CLUL1: variants seen among roughly 807,000 people sequenced by gnomAD.
The protein encoded by CLUL1 is clusterin like 1.
CLUL1 carries 43 observed loss-of-function variants against 49.4 expected under a neutral mutation model. The observed-to-expected ratio is 0.87, with a 90% CI of 0.68 to 1.12. The LOEUF (loss-of-function observed/expected upper bound fraction) is 1.12. Ranked by LOEUF, CLUL1 falls within the 50% of genes most tolerant of loss-of-function variation. CLUL1 has a pLI of 0.00. For missense variants in CLUL1, 486 were observed against 544.4 expected, an observed-to-expected ratio of 0.89 and a Z score of 1.07; for synonymous variants, 192 against 184.9, an observed-to-expected ratio of 1.04 and a Z score of -0.31.
intron 1 of CLUL1, among the ~76,000 whole-genome samples, chr18:603,727 T>C (rs1412350952): frequency 1.3e-5 from 2 of 152,202 alleles, no homozygotes; most frequent in African/African-American, 4.8e-5. Flanking sequence ...AATCAAGATA[T>C]TCAAGCCATT....
intron 9 of CLUL1, among the ~76,000 whole-genome samples, chr18:647,630 G>A (rs537198560): frequency 5.9e-5 from 9 of 152,190 alleles, no homozygotes; most frequent in Non-Finnish European, 1.3e-4. Flanking sequence ...TGGGACATGT[G>A]TGTCTACCTC....
rs2072670241 is a variant in CLUL1, at chr18:597,058, C to G, written c.-207C>G. 2 of 152,744 alleles carry G rather than the reference C, an allele frequency of 1.3e-5. No homozygotes were observed. The highest frequency in any genetic ancestry group is 4.8e-5 in the African/African-American group (2 of 41,468). The allele number at this position is 152,744 out of a possible 1,614,324, so 9.5% of individuals were successfully genotyped here. ...CTGGAGGTTGCTGACACCCTGTGCC[C>G]TCGGCTGACTTCCAGCCGGTGGCAC... On this transcript the variant is annotated 5_prime_UTR_variant, in exon 1 of 10. Transcript: ENST00000692774.
At chr18:634,113 A>G (rs1333070974) in intron 7 of CLUL1, among the ~76,000 whole-genome samples, 4 of 151,794 alleles carry the variant, frequency 2.6e-5, no homozygotes, top group African/African-American at 9.7e-5. Flanking sequence ...GGGGCGTTCA[A>G]TGTAGGTTTA....
chr18:630,822 G>T (rs970071526), intron 6 of CLUL1, among the ~76,000 whole-genome samples: 1 of 151,366 alleles, frequency 6.6e-6, no homozygotes, highest in African/African-American at 2.4e-5. Context: ...GAGTAGCTGG[G>T]ACTACAGGCA....
At chr18:610,349 G>A (rs189601881) in intron 2 of CLUL1, among the ~76,000 whole-genome samples, 23 of 152,202 alleles carry the variant, frequency 1.5e-4, no homozygotes, top group African/African-American at 2.6e-4. Flanking sequence ...TACATCTGGC[G>A]GTCTGCTTGG....
At position 627,486 on chromosome 18, in the gene CLUL1, T is replaced by G; in HGVS notation, c.813T>G (p.Thr271=). ...SIYESVSETI[T]KMLKAIEDLP... is the part of the protein sequence containing the mutation. Reference sequence around the variant, plus strand: ...ATGAAAGTGTCAGTGAAACAATTACTAAGATGCTGAAGGCAATAGAAGATT... The same window carrying G: ...ATGAAAGTGTCAGTGAAACAATTACGAAGATGCTGAAGGCAATAGAAGATT... Residue 271 remains threonine, a synonymous_variant, in exon 6 of 10, where the codon ACT becomes ACG. Coordinates refer to ENST00000692774, the MANE Select transcript of CLUL1 (RefSeq NM_001393344.1). 6.2e-7 allele frequency: 1 copy of G among 1,613,098 alleles called. No individual in the cohort carries two copies. Among genetic ancestry groups the G allele is most frequent in the Non-Finnish European group, 8.5e-7 (1 of 1,179,252 alleles).
At chr18:645,765 G>C (rs2074460110) in intron 9 of CLUL1, among the ~76,000 whole-genome samples, 1 of 118,936 alleles carries the variant, frequency 8.4e-6, no homozygotes, top group Non-Finnish European at 1.6e-5. Context: ...CTGCACTCCA[G>C]CCTGGGCGAC....
intron 6 of CLUL1, 60 bp downstream of exon 6, chr18:627,589 C>A: frequency 8.3e-7 from 1 of 1,205,978 alleles, no homozygotes; most frequent in Non-Finnish European, 1.2e-6. Flanking sequence ...TTTTGTTTAG[C>A]TTCAGAAATG....
chr18:648,732 C>T (rs569769376), intron 9 of CLUL1, among the ~76,000 whole-genome samples: 6 of 152,320 alleles, frequency 3.9e-5, no homozygotes, highest in East Asian at 1.9e-4. Context: ...TCTCGGCTCA[C>T]GGCAACCTCC....
At chr18:629,785 A>G (rs1470107956) in intron 6 of CLUL1, among the ~76,000 whole-genome samples, 1 of 152,256 alleles carries the variant, frequency 6.6e-6, no homozygotes, top group Admixed American at 6.5e-5. Context: ...GACAGTACAC[A>G]GAAGCTACCG....
intron 4 of CLUL1, 99 bp from the exon 5 acceptor site, chr18:624,766 A>G: frequency 2.6e-6 from 3 of 1,167,032 alleles, no homozygotes; most frequent in Admixed American, 2.2e-5. Flanking sequence ...AAAGAATGAA[A>G]AAGCAGTTTA....
chr18:632,518 A>C (rs2074019945), intron 6 of CLUL1, among the ~76,000 whole-genome samples: 1 of 152,210 alleles, frequency 6.6e-6, no homozygotes, highest in African/African-American at 2.4e-5. Flanking sequence ...GAAAAGTCCA[A>C]GAGAAAAAGT....
intron 1 of CLUL1, among the ~76,000 whole-genome samples, chr18:601,145 A>G (rs567168471): frequency 6.6e-6 from 1 of 152,316 alleles, no homozygotes; most frequent in East Asian, 1.9e-4. Context: ...TGGAGGTGAT[A>G]TTGTTCAACT....
At chr18:617,474 A>T (rs893006410) in intron 2 of CLUL1, among the ~76,000 whole-genome samples, 2 of 151,824 alleles carry the variant, frequency 1.3e-5, no homozygotes, top group African/African-American at 4.8e-5. Flanking sequence ...CATGCCTATA[A>T]TCCCAGCTAC....
chr18:601,312 C>T (rs2072823239), intron 1 of CLUL1, among the ~76,000 whole-genome samples: 1 of 152,028 alleles, frequency 6.6e-6, no homozygotes, highest in East Asian at 1.9e-4. Flanking sequence ...TGAACCTTTC[C>T]AGTGAATTCT....
In CLUL1 at chr18:643,660, A is replaced by G. The variant is rs540061126; in HGVS notation, c.1210-1250A>G. ...TTATGCTGATAACAAAGGCACTTCT[A>G]TATAAAAACCTCCACATAAAATAAA... On this transcript the variant is annotated intron_variant, in intron 8 of 9. Transcript: ENST00000692774. Among the ~76,000 whole-genome samples, 7 of 152,370 alleles carry G rather than the reference A, an allele frequency of 4.6e-5. No homozygotes were observed. The East Asian group carries it at 1.2e-3, about 25-fold the overall frequency.
intron 7 of CLUL1, among the ~76,000 whole-genome samples, chr18:634,384 G>C (rs1195227637): frequency 6.6e-6 from 1 of 151,910 alleles, no homozygotes; most frequent in East Asian, 1.9e-4. Flanking sequence ...CGCCCACCTC[G>C]GCCTCCCAAA....
chr18:627,622 G>A, intron 6 of CLUL1, 93 bp downstream of exon 6: 1 of 881,438 alleles, frequency 1.1e-6, no homozygotes, highest in Middle Eastern at 3.5e-4. Flanking sequence ...GAGTCACATT[G>A]TATAGCATTT....
intron 4 of CLUL1, among the ~76,000 whole-genome samples, chr18:622,603 T>C (rs1025021971): frequency 2.0e-5 from 3 of 152,234 alleles, no homozygotes; most frequent in African/African-American, 4.8e-5. Flanking sequence ...GACAGAGGTC[T>C]ACTTCTTCCA....
Sources: gnomAD v4.1 joint callset for allele counts (sites outside exome capture counted in the v4.1 genomes callset) on GRCh38, gnomAD v4.1.1 for gene constraint, MANE v1.5 for transcripts, NCBI Gene and HGNC (gene_info 2026-07-23, HGNC 2026-07-21) for gene names.